Variants in PARN observed in about 807,000 individuals in gnomAD.
PARN encodes poly(A)-specific ribonuclease.
PARN carries 71 observed loss-of-function variants against 102.8 expected under a neutral mutation model. The ratio of observed to expected loss-of-function variants is 0.69; its 90% CI spans 0.57 to 0.84. The LOEUF (loss-of-function observed/expected upper bound fraction) is 0.84, where lower values mean the gene tolerates loss of function less well. PARN is among the 40% of genes least tolerant of loss of function. PARN has a pLI of 0.00. For synonymous variants in PARN, 261 were observed against 252.9 expected (o/e 1.03, Z -0.30); for missense variants, 782 against 760.9 (o/e 1.03, Z -0.33).
At chr16:14,626,105 T>G (rs944240261) in intron 5 of PARN, among the ~76,000 whole-genome samples, 1 of 152,114 alleles carries the variant, frequency 6.6e-6, no homozygotes, top group Admixed American at 6.6e-5. Flanking sequence ...AGAGAAACAG[T>G]AGTTTTTTTT....
chr16:14,479,014 C>T (rs954128479), intron 22 of PARN, among the ~76,000 whole-genome samples: 5 of 152,192 alleles, frequency 3.3e-5, no homozygotes, highest in Non-Finnish European at 7.3e-5. Context: ...AGGTCATCTG[C>T]CCGCCTTGGC....
intron 21 of PARN, among the ~76,000 whole-genome samples, chr16:14,485,201 T>A (rs1007285440): frequency 2.1e-5 from 3 of 142,928 alleles, no homozygotes; most frequent in Non-Finnish European, 4.8e-5. Context: ...GATGTGCTAT[T>A]GAGTAAAGTT....
At chr16:14,513,577 C>T (rs1481868978) in intron 21 of PARN, among the ~76,000 whole-genome samples, 1 of 152,220 alleles carries the variant, frequency 6.6e-6, no homozygotes, top group Non-Finnish European at 1.5e-5. Context: ...AGGCTCTGCA[C>T]ATGGCCTACC....
chr16:14,463,885 T>G (rs1962160825), intron 22 of PARN, among the ~76,000 whole-genome samples: 1 of 139,818 alleles, frequency 7.2e-6, no homozygotes, highest in Admixed American at 7.5e-5. Flanking sequence ...CAGGCTGGAG[T>G]GCTGTGACAC....
intron 23 of PARN, 118 bp from the exon 24 acceptor site, chr16:14,436,890 C>G: frequency 1.4e-6 from 1 of 732,500 alleles, no homozygotes; most frequent in East Asian, 2.7e-5. Flanking sequence ...GGGCCAGCGT[C>G]TGGCTAAACA....
At chr16:14,575,729 C>A (rs1969091551) in intron 18 of PARN, among the ~76,000 whole-genome samples, 1 of 152,130 alleles carries the variant, frequency 6.6e-6, no homozygotes, top group Admixed American at 6.5e-5. Context: ...GTTGGGAAGG[C>A]ATGACTGGTT....
intron 5 of PARN, among the ~76,000 whole-genome samples, chr16:14,620,452 G>A (rs940616520): frequency 1.3e-5 from 2 of 152,184 alleles, no homozygotes; most frequent in African/African-American, 4.8e-5. Context: ...AAATTATGGA[G>A]TTCATACTCA....
chr16:14,543,104 A>T (rs1966851384), intron 21 of PARN, among the ~76,000 whole-genome samples: 1 of 152,236 alleles, frequency 6.6e-6, no homozygotes, highest in East Asian at 1.9e-4. Context: ...TATATACAGG[A>T]AAATGACAAT....
At chr16:14,543,902 A>G (rs962127913) in intron 21 of PARN, among the ~76,000 whole-genome samples, 4 of 152,224 alleles carry the variant, frequency 2.6e-5, no homozygotes, top group African/African-American at 9.6e-5. Context: ...AGAAATAAAA[A>G]AGCAAAACCC....
intron 11 of PARN, chr16:14,602,083 A>C (rs971695429): frequency 6.6e-6 from 1 of 151,170 alleles, no homozygotes; most frequent in Non-Finnish European, 1.5e-5. Context: ...GGCACATGCC[A>C]CTGCGCCCGG....
In PARN at chr16:14,580,957, G is replaced by T; in HGVS notation, c.1193-14C>A. 7 of 1,558,796 alleles carry T rather than the reference G, an allele frequency of 4.5e-6. 1 individual carries two copies. The African/African-American group carries it at 8.1e-5, about 18-fold the overall frequency. The stretch of plus-strand genomic sequence containing the variant: ...TGAGAAAAGAACCTAATGAAGAAAA[G>T]AAGAGAGGTATTATTATTCATAGTC... On this transcript the variant is annotated splice_polypyrimidine_tract_variant and intron_variant, in intron 17 of 23. Coordinates refer to ENST00000437198, the MANE Select transcript of PARN (RefSeq NM_002582.4).
At chr16:14,519,818 A>T (rs1383626522) in intron 21 of PARN, among the ~76,000 whole-genome samples, 1 of 139,614 alleles carries the variant, frequency 7.2e-6, no homozygotes, top group African/African-American at 2.7e-5. Context: ...CAGACAAGTA[A>T]AAGTTTCTCT....
intron 22 of PARN, among the ~76,000 whole-genome samples, chr16:14,481,163 A>G (rs1963359820): frequency 6.6e-6 from 1 of 152,138 alleles, no homozygotes; most frequent in Non-Finnish European, 1.5e-5. Flanking sequence ...TATGCAGACA[A>G]AAAAATTATC....
rs118071510 is a variant in PARN, at chr16:14,460,950, A to C, written c.1671-13869T>G. On this transcript the variant is annotated intron_variant, in intron 22 of 23. Transcript: ENST00000437198. ...AACTTCATGTGGAGAGATCTGGCAA[A>C]CACCACCTCAACCCAGGTGATGAAG... Among the ~76,000 whole-genome samples the C allele has an allele frequency of 2.0e-3, 309 of 152,306 alleles. 7 individuals are homozygous for C. In the East Asian group the frequency reaches 0.043, roughly 21 times the overall value.
At chr16:14,479,095 A>G (rs1567307169) in intron 22 of PARN, among the ~76,000 whole-genome samples, 1 of 152,194 alleles carries the variant, frequency 6.6e-6, no homozygotes, top group East Asian at 1.9e-4. Context: ...TCTATACAAA[A>G]GGAGCAAACG....
intron 18 of PARN, among the ~76,000 whole-genome samples, chr16:14,572,049 G>C (rs903045093): frequency 1.3e-5 from 2 of 152,202 alleles, no homozygotes; most frequent in Non-Finnish European, 2.9e-5. Context: ...TTTATGTTGG[G>C]AAGCTGGAAG....
chr16:14,578,342 A>AG (rs1969286456), intron 18 of PARN, among the ~76,000 whole-genome samples: 1 of 149,728 alleles, frequency 6.7e-6, no homozygotes, highest in African/African-American at 2.5e-5. Flanking sequence ...AAAAAAAAAA[A>AG]AAAAAAAAAA....
chr16:14,446,971 G>T lies in PARN; in HGVS notation c.1781C>A (p.Thr594Asn). 6.2e-7 allele frequency: 1 copy of T among 1,613,664 alleles called. No homozygotes were observed. Residue 594 changes from threonine to asparagine, a missense_variant, in exon 23 of 24, where the codon ACC becomes AAC. Physicochemically the swap from Thr to Asn is moderately conservative, Grantham distance 65 (BLOSUM62 0). Transcript: ENST00000437198. ...TGAGAGGGGCTCTGCACAGGAATCGGTCTGCTCAAGCTCAGTGTCGGAAAT... is the reference window on the plus strand; with the variant it reads ...TGAGAGGGGCTCTGCACAGGAATCGTTCTGCTCAAGCTCAGTGTCGGAAAT... The part of the protein sequence containing the change: ...GEISDTELEQ[T>N]DSCAEPLSEG...
chr16:14,543,125 C>A (rs1187361911), intron 21 of PARN, among the ~76,000 whole-genome samples: 1 of 152,104 alleles, frequency 6.6e-6, no homozygotes, highest in African/African-American at 2.4e-5. Flanking sequence ...TCAAATGACA[C>A]AAACATCTCA....
Sources: gnomAD v4.1 joint callset for allele counts (sites outside exome capture counted in the v4.1 genomes callset) on GRCh38, gnomAD v4.1.1 for gene constraint, MANE v1.5 for transcripts, NCBI Gene and HGNC (gene_info 2026-07-23, HGNC 2026-07-21) for gene names.